Variants in TNFRSF25 observed in about 807,000 individuals in gnomAD.
TNFRSF25 encodes TNF receptor superfamily member 25.
A neutral mutation model predicts 49.4 loss-of-function variants in TNFRSF25; 28 were observed. The ratio of observed to expected loss-of-function variants is 0.57; its 90% CI spans 0.42 to 0.78. The LOEUF (loss-of-function observed/expected upper bound fraction) is 0.78, where lower values mean the gene tolerates loss of function less well. TNFRSF25 is among the 30% of genes least tolerant of loss of function. The pLI, the probability that TNFRSF25 is intolerant of heterozygous loss-of-function variation, is 0.00. For missense variants in TNFRSF25, 531 were observed against 581.6 expected, an observed-to-expected ratio of 0.91 and a Z score of 0.90; for synonymous variants, 240 against 234.2, an observed-to-expected ratio of 1.02 and a Z score of -0.23.
In TNFRSF25 at chr1:6,465,335, G is replaced by C. The variant is rs45558431; in HGVS notation, c.160+105C>G. 19,889 of 1,449,034 alleles carry C rather than the reference G, an allele frequency of 0.014. 427 individuals are homozygous for C. The highest frequency in any genetic ancestry group is 0.1 in the Admixed American group (5,453 of 54,628). The allele number at this position is 1,449,034 out of a possible 1,614,324, so 89.8% of individuals were successfully genotyped here. On this transcript the variant is annotated intron_variant, in intron 2 of 9. Transcript: ENST00000356876. The stretch of plus-strand genomic sequence containing the variant: ...TCTCCAGCTCCCTACTTCTCTGTCA[G>C]CCTACCCCTACCTCCCCTGCCAGCC...
At position 6,461,618 on chromosome 1, in the gene TNFRSF25, C is replaced by G. The variant is rs1233739916; in HGVS notation, c.1070G>C (p.Arg357Pro). 8.7e-6 allele frequency: 14 copies of G among 1,609,366 alleles called. No homozygotes were observed. Among genetic ancestry groups the G allele is most frequent in the Non-Finnish European group, 1.2e-5 (14 of 1,179,318 alleles). The change falls in exon 10 of 10, where the codon CGC becomes CCC. Residue 357 changes from arginine to proline, a missense_variant. By Grantham distance (103) the Arg-to-Pro change is moderately radical. Transcript: ENST00000356876. The surrounding 1 kb of genome is among the most constrained non-coding windows in gnomAD (Gnocchi z 6.3). ...WKEFVRTLGL[R>P]EAEIEAVEVE... The stretch of plus-strand genomic sequence containing the variant: ...CTCCACGGCTTCGATCTCTGCCTCG[C>G]GCAGCCCCAGCGTGCGCACGAACTC...
Position 6,466,053 on chromosome 1 carries a change from C to T in TNFRSF25, c.39+16G>A, listed in dbSNP as rs1644358489. 2 of 1,581,610 alleles carry T rather than the reference C, an allele frequency of 1.3e-6. No homozygotes were observed. Among genetic ancestry groups the T allele is most frequent in the Non-Finnish European group, 1.7e-6 (2 of 1,166,144 alleles). ...AGGGCTCAAAGCTGCCCCTAGCCTC[C>T]TGCGTCTCAACTCACCGCCGCCACC... On this transcript the variant is annotated intron_variant, in intron 1 of 9. Transcript: ENST00000356876.
rs1644344537 is a variant in TNFRSF25 at position 6,465,811 on chromosome 1, G to GCCCCCA, written c.39+252_40-252dup. The GCCCCCA allele has an allele frequency of 2.1e-6, 3 of 1,422,184 alleles. No individual in the cohort carries two copies. The South Asian group carries it at 4.6e-5, about 22-fold the overall frequency. The allele number at this position is 1,422,184 out of a possible 1,614,324, so 88.1% of individuals were successfully genotyped here. On this transcript the variant is annotated intron_variant, in intron 1 of 9. Transcript: ENST00000356876. ...TCCACCAGAGCAGGAATCCAGCAGC[G>GCCCCCA]CCCCCACCCCCACCCATGCTTTCTG... is the stretch of plus-strand genomic sequence containing the variant.
At chr1:6,465,283 T>TTCCCCC in intron 2 of TNFRSF25, 61 bp from the exon 3 acceptor site, 1 of 1,513,250 alleles carries the variant, frequency 6.6e-7, no homozygotes, top group Non-Finnish European at 9.0e-7. Flanking sequence ...CCGACCTGCT[T>TTCCCCC]CCCACCCTGC....
Position 6,462,858 on chromosome 1 carries a change from C to T in TNFRSF25, c.706+5G>A, listed in dbSNP as rs1644219273. 1 of 1,604,686 alleles carries T rather than the reference C, an allele frequency of 6.2e-7. No individual in the cohort carries two copies. The highest frequency in any genetic ancestry group is 8.5e-7 in the Non-Finnish European group (1 of 1,175,444). On this transcript the variant is annotated splice_donor_5th_base_variant and intron_variant, in intron 7 of 9. Transcript: ENST00000356876. This position sits in a 1 kb window ranked among gnomAD's most constrained non-coding sequence, Gnocchi z 4.2. Reference sequence around the variant, plus strand: ...CTGGGTGCGTGTGTGGGTGTGTGTACTTACCAGTAACCAGGGGCTTGTGAG... The same window carrying T: ...CTGGGTGCGTGTGTGGGTGTGTGTATTTACCAGTAACCAGGGGCTTGTGAG...
rs188110297 is a variant in TNFRSF25 at position 6,462,231 on chromosome 1, C to T, written c.745-57G>A. 29 of 1,540,314 alleles carry T rather than the reference C, an allele frequency of 1.9e-5. No individual in the cohort carries two copies. The Middle Eastern group carries it at 6.6e-4, about 35-fold the overall frequency. On this transcript the variant is annotated intron_variant, in intron 8 of 9. Transcript: ENST00000356876. The surrounding 1 kb of genome is among the most constrained non-coding windows in gnomAD (Gnocchi z 4.2). ...TGCTTGCCAAGTAAGGCCCCTTACC[C>T]GCAGTGCCTCTCCAGGAGGGGACAG... is the stretch of plus-strand genomic sequence containing the variant.
In TNFRSF25 at chr1:6,461,591, A is replaced by T; in HGVS notation, c.1097T>A (p.Val366Glu). The T allele has an allele frequency of 6.2e-7, 1 of 1,609,808 alleles. No homozygotes were observed. Among genetic ancestry groups the T allele is most frequent in the Non-Finnish European group, 8.5e-7 (1 of 1,179,320 alleles). ...LREAEIEAVE[V>E]EIGRFRDQQY... ...CTGGTCTCGGAAGCGGCCGATCTCC[A>T]CCTCCACGGCTTCGATCTCTGCCTC... Residue 366 changes from valine (V) to glutamate (E), a missense_variant, in exon 10 of 10, where the codon GTG (valine) becomes GAG (glutamate). Val to Glu is a moderately radical substitution (Grantham distance 121). Transcript: ENST00000356876. This position sits in a 1 kb window ranked among gnomAD's most constrained non-coding sequence, Gnocchi z 6.3.
Position 6,461,318 on chromosome 1 carries a change from C to T in TNFRSF25, c.*116G>A, listed in dbSNP as rs879402671. On this transcript the variant is annotated 3_prime_UTR_variant, in exon 10 of 10. Transcript: ENST00000356876. The surrounding 1 kb of genome is among the most constrained non-coding windows in gnomAD (Gnocchi z 6.3). Reference sequence around the variant, plus strand: ...GGGGTGGGGCCGGCTGGTGCTGCTACGCAGGGCCGTGCCAGCGGCTTAATA... The same window carrying T: ...GGGGTGGGGCCGGCTGGTGCTGCTATGCAGGGCCGTGCCAGCGGCTTAATA... 1.2e-4 allele frequency: 157 copies of T among 1,326,458 alleles called. No homozygotes were observed. The highest frequency in any genetic ancestry group is 5.4e-4 in the Middle Eastern group (3 of 5,528). 82.2% of individuals were successfully genotyped at this position (1,326,458 alleles called of 1,614,324 possible).
In TNFRSF25 at chr1:6,462,314, C is replaced by T. The variant is rs1036083252; in HGVS notation, c.745-140G>A. 8.1e-7 allele frequency: 1 copy of T among 1,237,962 alleles called. No individual in the cohort carries two copies. Among genetic ancestry groups the T allele is most frequent in the Non-Finnish European group, 1.1e-6 (1 of 910,792 alleles). 76.7% of individuals were successfully genotyped at this position (1,237,962 alleles called of 1,614,324 possible). On this transcript the variant is annotated intron_variant, in intron 8 of 9. Coordinates refer to ENST00000356876, the MANE Select transcript of TNFRSF25 (RefSeq NM_003790.3). This position sits in a 1 kb window ranked among gnomAD's most constrained non-coding sequence, Gnocchi z 4.2. The stretch of plus-strand genomic sequence containing the variant: ...GACACCTCCCACAGTTGGCCCTGCT[C>T]TCACTGTAGCCCAGCAGAACTCTTG...
At position 6,461,197 on chromosome 1, in the gene TNFRSF25, C is replaced by T. The variant is rs1340437140; in HGVS notation, c.*237G>A. 1.4e-6 allele frequency: 1 copy of T among 720,500 alleles called. No homozygotes were observed. Among genetic ancestry groups the T allele is most frequent in the South Asian group, 1.5e-5 (1 of 66,864 alleles). 44.6% of individuals were successfully genotyped at this position (720,500 alleles called of 1,614,324 possible). A position where few individuals can be genotyped will look rare whatever the true frequency, so the allele number is the denominator to read the frequency against. ...TTTCACAGATTTAATACCGCGATCT[C>T]AGCCAAACTCCGGCCGAGAAGTTGA... is the stretch of plus-strand genomic sequence containing the variant. On this transcript the variant is annotated 3_prime_UTR_variant, in exon 10 of 10. Transcript: ENST00000356876. The surrounding 1 kb of genome is among the most constrained non-coding windows in gnomAD (Gnocchi z 6.3).
chr1:6,462,675 C>T lies in TNFRSF25; in HGVS notation c.707-9G>A. ...CATCCCAGCTTCATCTGCTGACAGACACAGAGAGATTGCGGTCAGCCACCA... is the reference window on the plus strand; with the variant it reads ...CATCCCAGCTTCATCTGCTGACAGATACAGAGAGATTGCGGTCAGCCACCA... On this transcript the variant is annotated splice_polypyrimidine_tract_variant and intron_variant, in intron 7 of 9. Transcript: ENST00000356876. This position sits in a 1 kb window ranked among gnomAD's most constrained non-coding sequence, Gnocchi z 4.2. The T allele has an allele frequency of 1.9e-6, 3 of 1,613,598 alleles. No homozygotes were observed. The highest frequency in any genetic ancestry group is 2.5e-6 in the Non-Finnish European group (3 of 1,179,694).
In TNFRSF25 at chr1:6,462,287, A is replaced by G; in HGVS notation, c.745-113T>C. ...GGTTCAGTCAGCAGACACCCCCGCA[A>G]TGACACCTCCCACAGTTGGCCCTGC... On this transcript the variant is annotated intron_variant, in intron 8 of 9. Coordinates refer to ENST00000356876, the MANE Select transcript of TNFRSF25 (RefSeq NM_003790.3). This position sits in a 1 kb window ranked among gnomAD's most constrained non-coding sequence, Gnocchi z 4.2. The G allele has an allele frequency of 2.2e-6, 3 of 1,371,806 alleles. No homozygotes were observed. Among genetic ancestry groups the G allele is most frequent in the Non-Finnish European group, 2.9e-6 (3 of 1,019,728 alleles). The allele number at this position is 1,371,806 out of a possible 1,614,324, so 85.0% of individuals were successfully genotyped here.
In TNFRSF25 at chr1:6,462,621, G is replaced by T. The variant is rs770806634; in HGVS notation, c.744+8C>A. ...AGGCAGCCCAGAATCACACAGTGAGGTTCTTACCGGTGGTGGGGTCAGAGC... is the reference window on the plus strand; with the variant it reads ...AGGCAGCCCAGAATCACACAGTGAGTTTCTTACCGGTGGTGGGGTCAGAGC... On this transcript the variant is annotated splice_region_variant and intron_variant, in intron 8 of 9. Transcript: ENST00000356876. This position sits in a 1 kb window ranked among gnomAD's most constrained non-coding sequence, Gnocchi z 4.2. The T allele has an allele frequency of 2.5e-6, 4 of 1,613,012 alleles. No homozygotes were observed. The highest frequency in any genetic ancestry group is 3.3e-5 in the Admixed American group (2 of 59,836).
Position 6,465,226 on chromosome 1 carries a change from T to G in TNFRSF25, c.161-4A>C. 6.2e-7 allele frequency: 1 copy of G among 1,607,114 alleles called. No individual in the cohort carries two copies. Among genetic ancestry groups the G allele is most frequent in the South Asian group, 1.1e-5 (1 of 90,280 alleles). On this transcript the variant is annotated splice_region_variant and splice_polypyrimidine_tract_variant and intron_variant, in intron 2 of 9. Coordinates refer to ENST00000356876, the MANE Select transcript of TNFRSF25 (RefSeq NM_003790.3). ...CAAGGGGCCTTCAGGTAGTGCCCTGTGGAACCAGGCAGGGGTCAGGCAGGC... is the reference window on the plus strand; with the variant it reads ...CAAGGGGCCTTCAGGTAGTGCCCTGGGGAACCAGGCAGGGGTCAGGCAGGC...
rs942124312 is a variant in TNFRSF25, at chr1:6,462,251, G to A, written c.745-77C>T. ...TTACCCGCAGTGCCTCTCCAGGAGG[G>A]GACAGTCCCTGGTTCAGTCAGCAGA... On this transcript the variant is annotated intron_variant, in intron 8 of 9. Transcript: ENST00000356876. The surrounding 1 kb of genome is among the most constrained non-coding windows in gnomAD (Gnocchi z 4.2). 5 of 1,511,346 alleles carry A rather than the reference G, an allele frequency of 3.3e-6. No individual in the cohort carries two copies. The highest frequency in any genetic ancestry group is 4.4e-6 in the Non-Finnish European group (5 of 1,126,412). The allele number at this position is 1,511,346 out of a possible 1,614,324, so 93.6% of individuals were successfully genotyped here.
Position 6,462,280 on chromosome 1 carries a change from C to A in TNFRSF25, c.745-106G>T. On this transcript the variant is annotated intron_variant, in intron 8 of 9. Transcript: ENST00000356876. This position sits in a 1 kb window ranked among gnomAD's most constrained non-coding sequence, Gnocchi z 4.2. ...AGTCCCTGGTTCAGTCAGCAGACAC[C>A]CCCGCAATGACACCTCCCACAGTTG... 1.4e-6 allele frequency: 2 copies of A among 1,411,008 alleles called. No individual in the cohort carries two copies. Among genetic ancestry groups the A allele is most frequent in the South Asian group, 1.4e-5 (1 of 71,466 alleles). 87.4% of individuals were successfully genotyped at this position (1,411,008 alleles called of 1,614,324 possible).
intron 5 of TNFRSF25, chr1:6,463,391 G>A (rs1644237331): frequency 3.5e-6 from 2 of 578,260 alleles, no homozygotes; most frequent in South Asian, 2.1e-5. Flanking sequence ...TGCATCCCCA[G>A]CACCTAGAAC....
chr1:6,463,002 C>T, intron 6 of TNFRSF25, 32 bp from the exon 7 acceptor site: 7 of 1,560,862 alleles, frequency 4.5e-6, no homozygotes, highest in Middle Eastern at 1.7e-4. Context: ...TGGGTGGTTG[C>T]CCCCCTCCTC....
Position 6,461,462 on chromosome 1 carries a change from AAGTC to A in TNFRSF25, c.1222_1225del (p.Asp408CysfsTer77). ...CGGGCCGCGCTGCAGGCGGCTGCGC[AAGTC>A]TTCCACGCAGCCGTCCAGCCCCATG... On this transcript the variant is annotated frameshift_variant, in exon 10 of 10. Coordinates refer to ENST00000356876, the MANE Select transcript of TNFRSF25 (RefSeq NM_003790.3). LOFTEE classifies it high-confidence loss of function. This position sits in a 1 kb window ranked among gnomAD's most constrained non-coding sequence, Gnocchi z 6.3. 6.5e-7 allele frequency: 1 copy of A among 1,545,710 alleles called. No homozygotes were observed.
Sources: gnomAD v4.1 joint callset for allele counts on GRCh38, gnomAD v4.1.1 for gene constraint, Gnocchi (gnomAD v3.1) non-coding constraint, MANE v1.5 for transcripts, NCBI Gene and HGNC (gene_info 2026-07-23, HGNC 2026-07-21) for gene names.